The following FOXJ2 variants were observed in gnomAD, a reference collection of about 807,000 sequenced individuals.
FOXJ2 encodes forkhead box J2.
Under a neutral mutation model 68.4 loss-of-function variants are expected in FOXJ2, and 18 were observed. That is an observed-to-expected ratio of 0.26 (90% confidence interval 0.18 to 0.39). The LOEUF (loss-of-function observed/expected upper bound fraction) is 0.39, where lower values mean the gene tolerates loss of function less well. Ranked by LOEUF, FOXJ2 falls within the 10% of genes least tolerant of loss-of-function variation. FOXJ2 has a pLI of 1.00. For missense variants in FOXJ2, 670 were observed against 726.5 expected, an observed-to-expected ratio of 0.92 and a Z score of 0.89; for synonymous variants, 274 against 263.2, an observed-to-expected ratio of 1.04 and a Z score of -0.40.
At position 8,048,155 on chromosome 12, in the gene FOXJ2, C is replaced by T. The variant is rs1235090277; in HGVS notation, c.1091C>T (p.Ala364Val). The T allele has an allele frequency of 1.9e-6, 3 of 1,613,926 alleles. No homozygotes were observed. Among genetic ancestry groups the T allele is most frequent in the Non-Finnish European group, 2.5e-6 (3 of 1,179,896 alleles). ...AEGYGPPPVM[A>V]MHPPPLQHGG... ...GGCTATGGGCCTCCCCCTGTAATGG[C>T]CATGCATCCACCCCCGCTGCAGCAT... The change falls in exon 7 of 11, where the codon GCC becomes GTC. Residue 364 changes from alanine to valine, a missense_variant. By Grantham distance (64) the Ala-to-Val change is moderately conservative. This residue lies in a region of FOXJ2 where 555 missense variants were observed against 562.2 expected (regional missense o/e 0.99). Transcript: ENST00000162391.
At chr12:8,037,012 C>G (rs1016307930) in intron 1 of FOXJ2, among the ~76,000 whole-genome samples, 2 of 152,284 alleles carry the variant, frequency 1.3e-5, no homozygotes, top group Non-Finnish European at 2.9e-5. Context: ...TCGCTTGAAC[C>G]TAGGAGATGG....
intron 3 of FOXJ2, among the ~76,000 whole-genome samples, chr12:8,043,304 C>G (rs746145859): frequency 2.0e-5 from 3 of 151,676 alleles, no homozygotes; most frequent in Non-Finnish European, 4.4e-5. Context: ...CATGCTCCCC[C>G]TTTTTTGTGT....
chr12:8,050,124 C>T lies in FOXJ2; in HGVS notation c.1538-398C>T, dbSNP rs781670149. 1.7e-3 allele frequency: 331 copies of T among 194,902 alleles called. 2 individuals carry two copies. The highest frequency in any genetic ancestry group is 5.9e-4 in the Non-Finnish European group (58 of 98,384). The allele number at this position is 194,902 out of a possible 1,614,324, so 12.1% of individuals were successfully genotyped here. A position where few individuals can be genotyped will look rare whatever the true frequency, so the allele number is the denominator to read the frequency against. On this transcript the variant is annotated intron_variant, in intron 9 of 10. Transcript: ENST00000162391. The stretch of plus-strand genomic sequence containing the variant: ...TAGCTGGGACTACAGGTGTGTACCA[C>T]CATGCCCAGCTAATTTTTTTTTTGT...
chr12:8,052,852 G>T lies in FOXJ2; in HGVS notation c.*2G>T, dbSNP rs764780389. 1.2e-6 allele frequency: 2 copies of T among 1,601,492 alleles called. No individual in the cohort carries two copies. The highest frequency in any genetic ancestry group is 2.2e-5 in the South Asian group (2 of 89,410). On this transcript the variant is annotated 3_prime_UTR_variant, in exon 11 of 11. Transcript: ENST00000162391. ...TTCGACTGGGACTTGATCACTTAGT[G>T]CATCACAGAGTGTGGACATCAGCCC...
rs779603249 is a variant in FOXJ2 at position 8,054,726 on chromosome 12, A to C, written c.*1876A>C. On this transcript the variant is annotated 3_prime_UTR_variant, in exon 11 of 11. Transcript: ENST00000162391. ...TGACATAATATTTCCCATTGGGGAA[A>C]GGAGAATTTCTCTTAGAGGGTGGCA... 1.3e-5 allele frequency: 2 copies of C among 152,622 alleles called. No individual in the cohort carries two copies. Among genetic ancestry groups the C allele is most frequent in the African/African-American group, 4.8e-5 (2 of 41,582 alleles). The allele number at this position is 152,622 out of a possible 1,614,324, so 9.5% of individuals were successfully genotyped here.
Position 8,052,924 on chromosome 12 carries a change from C to A in FOXJ2, c.*74C>A. 1 of 1,120,894 alleles carries A rather than the reference C, an allele frequency of 8.9e-7. No individual in the cohort carries two copies. The highest frequency in any genetic ancestry group is 1.3e-6 in the Non-Finnish European group (1 of 756,690). 69.4% of individuals were successfully genotyped at this position (1,120,894 alleles called of 1,614,324 possible). ...GCAGTGGGGAAAGAGCAACCCCAGC[C>A]CGTCCCTTCCCCCCGTCTGTATATA... On this transcript the variant is annotated 3_prime_UTR_variant, in exon 11 of 11. Transcript: ENST00000162391.
In FOXJ2 at chr12:8,044,843, C is replaced by T. The variant is rs769413340; in HGVS notation, c.702C>T (p.Asn234=). 3.1e-6 allele frequency: 5 copies of T among 1,614,048 alleles called. No homozygotes were observed. Among genetic ancestry groups the T allele is most frequent in the East Asian group, 2.2e-5 (1 of 44,872 alleles). Residue 234 remains asparagine (N), a synonymous_variant, in exon 6 of 11, where the codon AAC becomes AAT. Transcript: ENST00000162391. The stretch of plus-strand genomic sequence containing the variant: ...CTGAGGGTCCCCCTCCCCTCTATAA[C>T]ACCAACCATGACTTTAAATTCTCCT... ...ESAEGPPPLY[N]TNHDFKFSYS... is the part of the protein sequence containing the mutation.
rs771262165 is a variant in FOXJ2 at position 8,040,084 on chromosome 12, C to T, written c.252C>T (p.Ala84=). Residue 84 remains alanine, a synonymous_variant, in exon 2 of 11, where the codon GCC becomes GCT. Coordinates refer to ENST00000162391, the MANE Select transcript of FOXJ2 (RefSeq NM_018416.3). The surrounding 1 kb of genome is among the most constrained non-coding windows in gnomAD (Gnocchi z 4.0). ...CCTATGCCATCAACTCCTCTCCAGC[C>T]AAGAAGATGACCCTCAGCGAGATTT... ...LITYAINSSP[A]KKMTLSEIYR... is the part of the protein sequence containing the mutation. 6.2e-7 allele frequency: 1 copy of T among 1,614,150 alleles called. No individual in the cohort carries two copies. The highest frequency in any genetic ancestry group is 8.5e-7 in the Non-Finnish European group (1 of 1,180,030).
chr12:8,047,064 C>G (rs1461422342), intron 6 of FOXJ2, among the ~76,000 whole-genome samples: 2 of 152,130 alleles, frequency 1.3e-5, no homozygotes, highest in African/African-American at 4.8e-5. Context: ...CCCAGCCTGT[C>G]TGCTTGAGAA....
At chr12:8,052,616 C>A (rs771529409) in intron 10 of FOXJ2, 146 bp from the exon 11 acceptor site, 33 of 606,262 alleles carry the variant, frequency 5.4e-5, no homozygotes, top group Non-Finnish European at 9.1e-5. Context: ...TGGTGACCTG[C>A]AACCAAAATT....
Position 8,040,748 on chromosome 12 carries a change from A to G in FOXJ2, c.333+583A>G, listed in dbSNP as rs926790613. Among the ~76,000 whole-genome samples the G allele has an allele frequency of 1.3e-5, 2 of 152,012 alleles. No homozygotes were observed. Among genetic ancestry groups the G allele is most frequent in the African/African-American group, 2.4e-5 (1 of 41,466 alleles). On this transcript the variant is annotated intron_variant, in intron 2 of 10. Transcript: ENST00000162391. The surrounding 1 kb of genome is among the most constrained non-coding windows in gnomAD (Gnocchi z 4.0). ...CATCCTCTTGTCTTCTGATCCCTCA[A>G]AGAGGATATTCACTCATTTCACAAA...
chr12:8,033,046 A>G lies in FOXJ2; in HGVS notation c.-802A>G, dbSNP rs1170753473. On this transcript the variant is annotated 5_prime_UTR_variant, in exon 1 of 11. Transcript: ENST00000162391. ...AGCAACCTCTCCCCCTGTTGGAGAG[A>G]AAAGACCCTTACCACTCGGGTGAGG... is the stretch of plus-strand genomic sequence containing the variant. The G allele has an allele frequency of 7.6e-6, 3 of 394,296 alleles. No homozygotes were observed. In the Admixed American group the frequency reaches 1.3e-4, roughly 17 times the overall value. 24.4% of individuals were successfully genotyped at this position (394,296 alleles called of 1,614,324 possible).
chr12:8,038,427 G>A lies in FOXJ2; in HGVS notation c.-14-1392G>A, dbSNP rs1313979802. 6.6e-6 allele frequency among the ~76,000 whole-genome samples: 1 copy of A among 152,170 alleles called. No individual in the cohort carries two copies. The highest frequency in any genetic ancestry group is 1.5e-5 in the Non-Finnish European group (1 of 68,036). The stretch of plus-strand genomic sequence containing the variant: ...GATACGCTTGTGCATATATCTGGCT[G>A]TGGATTTAGAGATCACTTACATCAT... On this transcript the variant is annotated intron_variant, in intron 1 of 10. Transcript: ENST00000162391. This position sits in a 1 kb window ranked among gnomAD's most constrained non-coding sequence, Gnocchi z 5.3.
In FOXJ2 at chr12:8,049,566, G is replaced by A; in HGVS notation, c.1532G>A (p.Ser511Asn). ...AGTGGCAAACAGGAGTCAGCCATGA[G>A]CCAAGGTACTGCACCAAGCCAGTTG... The part of the protein sequence containing the change: ...LTSGKQESAM[S>N]QVNSYGHPQA... Residue 511 changes from serine to asparagine, a missense_variant, in exon 9 of 11, where the codon AGC (serine) becomes AAC (asparagine). Ser to Asn is a conservative substitution (Grantham distance 46). Around this residue, in one of 2 missense-constraint regions of FOXJ2, gnomAD observed 555 missense variants for 562.2 expected, o/e 0.99. Coordinates refer to ENST00000162391, the MANE Select transcript of FOXJ2 (RefSeq NM_018416.3). 6.3e-7 allele frequency: 1 copy of A among 1,599,296 alleles called. No individual in the cohort carries two copies. The highest frequency in any genetic ancestry group is 8.5e-7 in the Non-Finnish European group (1 of 1,169,640).
chr12:8,050,157 G>T, intron 9 of FOXJ2: 1 of 221,508 alleles, frequency 4.5e-6, no homozygotes. Flanking sequence ...TGTATTTTGT[G>T]TATAGCTGGG....
intron 1 of FOXJ2, among the ~76,000 whole-genome samples, chr12:8,036,922 C>T (rs1322437167): frequency 2.0e-5 from 3 of 152,108 alleles, no homozygotes; most frequent in African/African-American, 2.4e-5. Flanking sequence ...AACCCCACCT[C>T]TACTAAAAAT....
chr12:8,047,133 G>A (rs1188621245), intron 6 of FOXJ2, among the ~76,000 whole-genome samples: 1 of 152,026 alleles, frequency 6.6e-6, no homozygotes, highest in Non-Finnish European at 1.5e-5. Flanking sequence ...GAGGGTACAG[G>A]AATGACTTGG....
At chr12:8,050,664 A>G (rs763738192) in intron 10 of FOXJ2, 44 bp downstream of exon 10, 1 of 1,608,170 alleles carries the variant, frequency 6.2e-7, no homozygotes, top group South Asian at 1.1e-5. Flanking sequence ...TACTCTGATG[A>G]GTTGCTTTGC....
In FOXJ2 at chr12:8,054,879, C is replaced by T. The variant is rs749657077; in HGVS notation, c.*2029C>T. ...ATTCCCCATTTGTAAATGATCACTT[C>T]TCTTTTCTAAACCCTTTTCCTGTTC... On this transcript the variant is annotated 3_prime_UTR_variant, in exon 11 of 11. Transcript: ENST00000162391. 6.6e-6 allele frequency: 1 copy of T among 152,270 alleles called. No homozygotes were observed. Among genetic ancestry groups the T allele is most frequent in the Non-Finnish European group, 1.5e-5 (1 of 68,066 alleles). 9.4% of individuals were successfully genotyped at this position (152,270 alleles called of 1,614,324 possible).
Sources: gnomAD v4.1 joint callset for allele counts (sites outside exome capture counted in the v4.1 genomes callset) on GRCh38, gnomAD v4.1.1 for gene constraint, gnomAD v4.1.1 regional missense constraint, Gnocchi (gnomAD v3.1) non-coding constraint, MANE v1.5 for transcripts, NCBI Gene and HGNC (gene_info 2026-07-23, HGNC 2026-07-21) for gene names.